Variants in SKI observed in about 807,000 individuals in gnomAD.
SKI encodes the protein SKI proto-oncogene.
Under a neutral mutation model 59.3 loss-of-function variants are expected in SKI, and 23 were observed. The ratio of observed to expected loss-of-function variants is 0.39; its 90% CI spans 0.28 to 0.55. The LOEUF (loss-of-function observed/expected upper bound fraction) is 0.55, where lower values mean the gene tolerates loss of function less well. SKI is among the 20% of genes least tolerant of loss of function. The probability of loss-of-function intolerance (pLI) is 0.67; values close to 1 mark genes in which losing one functional copy is unlikely to be tolerated. For missense variants in SKI, 1,017 were observed against 1,038.9 expected, an observed-to-expected ratio of 0.98 and a Z score of 0.29; for synonymous variants, 673 against 488.6, an observed-to-expected ratio of 1.38 and a Z score of -4.98.
intron 1 of SKI, among the ~76,000 whole-genome samples, chr1:2,259,994 C>T (rs138983071): frequency 3.9e-5 from 6 of 152,280 alleles, no homozygotes; most frequent in African/African-American, 7.2e-5. Flanking sequence ...AAGTTGTTGT[C>T]GGGATACACG....
Position 2,308,199 on chromosome 1 carries a change from A to G in SKI, c.*1434A>G, listed in dbSNP as rs2100930479. 1 of 152,324 alleles carries G rather than the reference A, an allele frequency of 6.6e-6. No individual in the cohort carries two copies. Among genetic ancestry groups the G allele is most frequent in the African/African-American group, 2.4e-5 (1 of 41,564 alleles). The allele number at this position is 152,324 out of a possible 1,614,324, so 9.4% of individuals were successfully genotyped here. On this transcript the variant is annotated 3_prime_UTR_variant, in exon 7 of 7. Transcript: ENST00000378536. ...GGAGTTCTTTGCTTGAATCCGTTCT[A>G]ACACCCGCGGCAGCTGCACGCGCTC...
chr1:2,241,795 C>T (rs550143135), intron 1 of SKI, among the ~76,000 whole-genome samples: 9 of 152,332 alleles, frequency 5.9e-5, no homozygotes, highest in Non-Finnish European at 1.3e-4. Context: ...AAAACGCTCA[C>T]CATGACCCAT....
intron 1 of SKI, among the ~76,000 whole-genome samples, chr1:2,265,063 T>C (rs936277919): frequency 6.6e-6 from 1 of 151,816 alleles, no homozygotes; most frequent in Non-Finnish European, 1.5e-5. Context: ...CCACCTGCCT[T>C]GGCCTGCCAA....
intron 1 of SKI, among the ~76,000 whole-genome samples, chr1:2,231,724 C>T (rs1638642572): frequency 6.6e-6 from 1 of 152,202 alleles, no homozygotes; most frequent in Non-Finnish European, 1.5e-5. Flanking sequence ...AGCCACACAG[C>T]CTGGCCCTGG....
intron 1 of SKI, among the ~76,000 whole-genome samples, chr1:2,236,146 C>G (rs1027315796): frequency 6.6e-6 from 1 of 152,096 alleles, no homozygotes; most frequent in Non-Finnish European, 1.5e-5. Flanking sequence ...GCACACCTGG[C>G]GGCCTTGGTC....
In SKI at chr1:2,306,895, C is replaced by A; in HGVS notation, c.*130C>A. On this transcript the variant is annotated 3_prime_UTR_variant, in exon 7 of 7. Coordinates refer to ENST00000378536, the MANE Select transcript of SKI (RefSeq NM_003036.4). ...ACGTCTTACCGTGCCTATTACCAAG[C>A]GAGTGTTTGTAACCATGTAGTTTTG... The A allele has an allele frequency of 1.7e-6, 1 of 604,102 alleles. No individual in the cohort carries two copies. The highest frequency in any genetic ancestry group is 2.4e-6 in the Non-Finnish European group (1 of 418,802). 37.4% of individuals were successfully genotyped at this position (604,102 alleles called of 1,614,324 possible).
At chr1:2,273,707 A>G (rs1260882769) in intron 1 of SKI, among the ~76,000 whole-genome samples, 1 of 152,182 alleles carries the variant, frequency 6.6e-6, no homozygotes. Context: ...CCGTGACTGC[A>G]GCCTCCCCCA....
At chr1:2,294,439 G>A (rs951061874) in intron 1 of SKI, among the ~76,000 whole-genome samples, 2 of 152,206 alleles carry the variant, frequency 1.3e-5, no homozygotes, top group South Asian at 2.1e-4. Flanking sequence ...GGCCTCCCCC[G>A]TGCGGGGATG....
rs568639364 is a variant in SKI at position 2,288,583 on chromosome 1, G to A, written c.970-14395G>A. On this transcript the variant is annotated intron_variant, in intron 1 of 6. Coordinates refer to ENST00000378536, the MANE Select transcript of SKI (RefSeq NM_003036.4). ...TGCGTGCACATTTGTTTGCATGCGC[G>A]TGAGACCCCCAGGTGGTTTTGCTCT... Among the ~76,000 whole-genome samples, 8 of 152,336 alleles carry A rather than the reference G, an allele frequency of 5.3e-5. No individual in the cohort carries two copies. The East Asian group carries it at 5.8e-4, about 11-fold the overall frequency.
At chr1:2,276,210 G>T (rs537905134) in intron 1 of SKI, among the ~76,000 whole-genome samples, 11 of 52,472 alleles carry the variant, frequency 2.1e-4, no homozygotes, top group Non-Finnish European at 4.4e-4. Context: ...CCCACCCCCC[G>T]ACCCCCACTG....
rs1265118842 is a variant in SKI at position 2,306,256 on chromosome 1, C to G, written c.1998+6C>G. 1 of 1,546,294 alleles carries G rather than the reference C, an allele frequency of 6.5e-7. No homozygotes were observed. Among genetic ancestry groups the G allele is most frequent in the African/African-American group, 1.4e-5 (1 of 72,952 alleles). On this transcript the variant is annotated splice_donor_region_variant and intron_variant, in intron 6 of 6. Coordinates refer to ENST00000378536, the MANE Select transcript of SKI (RefSeq NM_003036.4). ...GCGCCAAGTACTCGGCCCAGGTATG[C>G]GGGTGGGGAGACTGAGGCACGCAGC...
chr1:2,234,121 G>GC (rs1234437152), intron 1 of SKI, among the ~76,000 whole-genome samples: 1 of 152,186 alleles, frequency 6.6e-6, no homozygotes, highest in Non-Finnish European at 1.5e-5. Context: ...GGGCTGGTCT[G>GC]CCCCCCAGGT....
chr1:2,236,748 TG>T (rs911558129), intron 1 of SKI, among the ~76,000 whole-genome samples: 7 of 152,122 alleles, frequency 4.6e-5, no homozygotes, highest in African/African-American at 1.7e-4. Context: ...TCTTCTGACC[TG>T]GGGGGCGCTT....
intron 1 of SKI, among the ~76,000 whole-genome samples, chr1:2,285,633 C>G (rs1464905064): frequency 6.6e-6 from 1 of 150,996 alleles, no homozygotes; most frequent in Non-Finnish European, 1.5e-5. Flanking sequence ...GGCGTGATCT[C>G]AGCTCACTAC....
At chr1:2,285,896 C>T (rs1640031049) in intron 1 of SKI, among the ~76,000 whole-genome samples, 1 of 86,274 alleles carries the variant, frequency 1.2e-5, no homozygotes, top group Non-Finnish European at 2.2e-5. Context: ...TTTTTTGAAA[C>T]GGAGTCTCGC....
chr1:2,261,889 G>T (rs1420003019), intron 1 of SKI, among the ~76,000 whole-genome samples: 1 of 125,892 alleles, frequency 7.9e-6, no homozygotes, highest in Admixed American at 8.4e-5. Context: ...TGATCTCCTG[G>T]TCTGGAAGGC....
chr1:2,283,109 G>A (rs903446733), intron 1 of SKI, among the ~76,000 whole-genome samples: 7 of 152,310 alleles, frequency 4.6e-5, no homozygotes, highest in South Asian at 2.1e-4. Context: ...CCAGGGAGGC[G>A]CCCCCACCCG....
intron 1 of SKI, among the ~76,000 whole-genome samples, chr1:2,278,810 T>G (rs954679516): frequency 2.6e-5 from 4 of 152,078 alleles, no homozygotes; most frequent in African/African-American, 4.8e-5. Context: ...GCAGCACCCA[T>G]GCGCACACGT....
At position 2,303,736 on chromosome 1, in the gene SKI, A is replaced by G. The variant is rs905654276; in HGVS notation, c.1212-104A>G. The G allele has an allele frequency of 5.5e-6, 8 of 1,443,202 alleles. No individual in the cohort carries two copies. Among genetic ancestry groups the G allele is most frequent in the African/African-American group, 2.8e-5 (2 of 71,404 alleles). The allele number at this position is 1,443,202 out of a possible 1,614,324, so 89.4% of individuals were successfully genotyped here. On this transcript the variant is annotated intron_variant, in intron 3 of 6. Transcript: ENST00000378536. This position sits in a 1 kb window ranked among gnomAD's most constrained non-coding sequence, Gnocchi z 5.6. ...CTTGACTTGAAGATTCGGAGCTGGG[A>G]AAGTCTTTCCTGTTTAACACCTTCA... is the stretch of plus-strand genomic sequence containing the variant.
Sources: gnomAD v4.1 joint callset for allele counts (sites outside exome capture counted in the v4.1 genomes callset) on GRCh38, gnomAD v4.1.1 for gene constraint, Gnocchi (gnomAD v3.1) non-coding constraint, MANE v1.5 for transcripts, NCBI Gene and HGNC (gene_info 2026-07-23, HGNC 2026-07-21) for gene names.